PRICKLE1: variants seen among roughly 807,000 people sequenced by gnomAD.
The protein encoded by PRICKLE1 is prickle planar cell polarity protein 1.
PRICKLE1 carries 14 observed loss-of-function variants against 70.2 expected under a neutral mutation model. The ratio of observed to expected loss-of-function variants is 0.20; its 90% CI spans 0.13 to 0.31. The LOEUF (loss-of-function observed/expected upper bound fraction) is 0.31. PRICKLE1 is among the 10% of genes least tolerant of loss of function. The probability of loss-of-function intolerance (pLI) is 1.00; values close to 1 mark genes in which losing one functional copy is unlikely to be tolerated. For missense variants in PRICKLE1, 821 were observed against 1,026.2 expected (o/e 0.80, Z 2.73); for synonymous variants, 357 against 379.9 (o/e 0.94, Z 0.70).
chr12:42,514,902 T>TATCTATCA lies in PRICKLE1; in HGVS notation c.-48-42339_-48-42338insTGATAGAT, dbSNP rs1555235191. On this transcript the variant is annotated intron_variant, in intron 1 of 7. Transcript: ENST00000345127. Reference sequence around the variant, plus strand: ...TTAAGGCTCGCTCTATCTATCTATCTATCTATCTATCTATCTATCTATCTA... The same window carrying TATCTATCA: ...TTAAGGCTCGCTCTATCTATCTATCTATCTATCAATCTATCTATCTATCTATCTATCTA... Among the ~76,000 whole-genome samples the TATCTATCA allele has an allele frequency of 3.8e-3, 275 of 72,866 alleles. 1 individual carries two copies. The highest frequency in any genetic ancestry group is 0.011 in the African/African-American group (264 of 23,592). The allele number at this position is 72,866 out of a possible 152,430, so 47.8% of individuals were successfully genotyped here.
At chr12:42,536,725 G>C (rs1940022207) in intron 1 of PRICKLE1, among the ~76,000 whole-genome samples, 1 of 152,032 alleles carries the variant, frequency 6.6e-6, no homozygotes, top group African/African-American at 2.4e-5. Flanking sequence ...CACTTTCTTT[G>C]GGTCATCTGA....
chr12:42,529,918 T>C (rs1348784219), intron 1 of PRICKLE1, among the ~76,000 whole-genome samples: 1 of 149,854 alleles, frequency 6.7e-6, no homozygotes, highest in Non-Finnish European at 1.5e-5. Flanking sequence ...AGAATTTTCT[T>C]TTCTCTTTTC....
At chr12:42,572,253 GTGAAACCCCATCTCTAC>G (rs1410134806) in intron 1 of PRICKLE1, among the ~76,000 whole-genome samples, 1 of 151,948 alleles carries the variant, frequency 6.6e-6, no homozygotes, top group Non-Finnish European at 1.5e-5. Context: ...GGCCAACATG[GTGAAACCCCATCTCTAC>G]TGAAAAATAC....
At chr12:42,469,819 C>G (rs1342793396) in intron 3 of PRICKLE1, 1 of 552,788 alleles carries the variant, frequency 1.8e-6, no homozygotes, top group Non-Finnish European at 3.1e-6. Context: ...TAATTGAAAA[C>G]CCTTATCAAC....
intron 1 of PRICKLE1, among the ~76,000 whole-genome samples, chr12:42,566,626 T>C (rs751536400): frequency 1.3e-5 from 2 of 152,228 alleles, no homozygotes; most frequent in African/African-American, 2.4e-5. Context: ...GGTTTGTTAT[T>C]AGGATTAAAT....
At chr12:42,486,693 T>C (rs1938996485) in intron 1 of PRICKLE1, among the ~76,000 whole-genome samples, 1 of 152,258 alleles carries the variant, frequency 6.6e-6, no homozygotes, top group African/African-American at 2.4e-5. Context: ...CTGAGGTCTT[T>C]TCTGCTCCTT....
intron 3 of PRICKLE1, 71 bp from the exon 4 acceptor site, chr12:42,469,658 GT>G (rs1938238376): frequency 1.3e-6 from 2 of 1,598,960 alleles, no homozygotes; most frequent in African/African-American, 2.7e-5. Context: ...TACTTCCAGA[GT>G]TAGGGTTTCA....
In PRICKLE1 at chr12:42,459,504, T is replaced by G; in HGVS notation, c.*305A>C. ...CTTCTAAAATCAACATCCAATCCCCTTCAGTCAGCATCTTCAGTATTCCCT... is the reference window on the plus strand; with the variant it reads ...CTTCTAAAATCAACATCCAATCCCCGTCAGTCAGCATCTTCAGTATTCCCT... On this transcript the variant is annotated 3_prime_UTR_variant, in exon 8 of 8. Coordinates refer to ENST00000345127, the MANE Select transcript of PRICKLE1 (RefSeq NM_153026.3). The G allele has an allele frequency of 1.6e-6, 1 of 636,908 alleles. No homozygotes were observed. The highest frequency in any genetic ancestry group is 2.7e-5 in the East Asian group (1 of 36,820). 39.5% of individuals were successfully genotyped at this position (636,908 alleles called of 1,614,324 possible).
At position 42,548,277 on chromosome 12, in the gene PRICKLE1, CA is replaced by C. The variant is rs528905580; in HGVS notation, c.-49+41187del. Reference sequence around the variant, plus strand: ...ATTTGTGGTGTCATGTTGGTGTGCTCAAAAAGTTTCAGATTTTGGAGCATTT... The same window carrying C: ...ATTTGTGGTGTCATGTTGGTGTGCTCAAAAGTTTCAGATTTTGGAGCATTT... On this transcript the variant is annotated intron_variant, in intron 1 of 7. Transcript: ENST00000345127. Among the ~76,000 whole-genome samples, 372 of 152,224 alleles carry C rather than the reference CA, an allele frequency of 2.4e-3. 1 individual carries two copies. Among genetic ancestry groups the C allele is most frequent in the African/African-American group, 8.4e-3 (347 of 41,544 alleles).
At chr12:42,463,500 A>AC (rs1171630074) in intron 7 of PRICKLE1, 1 of 152,096 alleles carries the variant, frequency 6.6e-6, no homozygotes, top group Non-Finnish European at 1.5e-5. Context: ...CGGGTGGATC[A>AC]CCTGAGGTCA....
At position 42,557,707 on chromosome 12, in the gene PRICKLE1, T is replaced by C. The variant is rs1351472582; in HGVS notation, c.-49+31758A>G. Among the ~76,000 whole-genome samples the C allele has an allele frequency of 3.3e-5, 5 of 152,200 alleles. 1 individual carries two copies. The highest frequency in any genetic ancestry group is 7.3e-5 in the Non-Finnish European group (5 of 68,036). ...GACTTGAGTGATTACAATTCTGAGG[T>C]TTCTGTGGGAGTCATCTTGTTTTTA... On this transcript the variant is annotated intron_variant, in intron 1 of 7. Coordinates refer to ENST00000345127, the MANE Select transcript of PRICKLE1 (RefSeq NM_153026.3).
At position 42,560,766 on chromosome 12, in the gene PRICKLE1, TCTCACACACACACACACACACA is replaced by T. The variant is rs1256867167; in HGVS notation, c.-49+28677_-49+28698del. Among the ~76,000 whole-genome samples the T allele has an allele frequency of 2.9e-3, 351 of 119,372 alleles. 4 individuals carry two copies. The highest frequency in any genetic ancestry group is 0.023 in the South Asian group (75 of 3,208). 78.3% of individuals were successfully genotyped at this position (119,372 alleles called of 152,430 possible). A position where few individuals can be genotyped will look rare whatever the true frequency, so the allele number is the denominator to read the frequency against. On this transcript the variant is annotated intron_variant, in intron 1 of 7. Transcript: ENST00000345127. ...AGCTTGGCAGGTCAAAAGCCCATCTTCTCACACACACACACACACACACACACACACACACACACACACACAC... is the reference window on the plus strand; with the variant it reads ...AGCTTGGCAGGTCAAAAGCCCATCTTCACACACACACACACACACACACAC...
At chr12:42,514,087 A>G (rs905299170) in intron 1 of PRICKLE1, among the ~76,000 whole-genome samples, 3 of 152,194 alleles carry the variant, frequency 2.0e-5, no homozygotes, top group Admixed American at 6.5e-5. Flanking sequence ...AGTACATGCA[A>G]TAGCCCCAAG....
intron 1 of PRICKLE1, chr12:42,484,532 C>T (rs954300818): frequency 1.3e-5 from 2 of 152,202 alleles, no homozygotes; most frequent in Non-Finnish European, 2.9e-5. Context: ...ACTTTCCCTG[C>T]ATTTCGGAGT....
intron 1 of PRICKLE1, among the ~76,000 whole-genome samples, chr12:42,558,602 G>A (rs1365506416): frequency 1.3e-5 from 2 of 152,214 alleles, no homozygotes; most frequent in African/African-American, 4.8e-5. Flanking sequence ...GATGCCAGCC[G>A]TGAGTGAACA....
At chr12:42,561,877 G>T (rs1259478327) in intron 1 of PRICKLE1, among the ~76,000 whole-genome samples, 2 of 147,112 alleles carry the variant, frequency 1.4e-5, no homozygotes, top group African/African-American at 5.0e-5. Context: ...GCGAAAATAT[G>T]ATGTTCCACT....
rs1035055836 is a variant in PRICKLE1, at chr12:42,535,666, C to T, written c.-49+53799G>A. Among the ~76,000 whole-genome samples, 56 of 152,262 alleles carry T rather than the reference C, an allele frequency of 3.7e-4. 1 individual carries two copies. The highest frequency in any genetic ancestry group is 1.3e-3 in the African/African-American group (55 of 41,552). On this transcript the variant is annotated intron_variant, in intron 1 of 7. Transcript: ENST00000345127. ...TGGATATGGTTACACACCCTCTAGT[C>T]CCAGCTATTGGGGAGGTCGAGGCAG...
intron 5 of PRICKLE1, among the ~76,000 whole-genome samples, chr12:42,467,263 C>A (rs1167093862): frequency 1.3e-5 from 2 of 151,682 alleles, no homozygotes; most frequent in African/African-American, 2.4e-5. Flanking sequence ...ACTAAAGGTG[C>A]ATGCCACCAT....
At position 42,521,965 on chromosome 12, in the gene PRICKLE1, T is replaced by TGC. The variant is rs1216960969; in HGVS notation, c.-48-49402_-48-49401insGC. Among the ~76,000 whole-genome samples the TGC allele has an allele frequency of 9.6e-5, 14 of 145,752 alleles. 1 individual carries two copies. Among genetic ancestry groups the TGC allele is most frequent in the African/African-American group, 3.5e-4 (13 of 36,930 alleles). On this transcript the variant is annotated intron_variant, in intron 1 of 7. Coordinates refer to ENST00000345127, the MANE Select transcript of PRICKLE1 (RefSeq NM_153026.3). ...GTGTGTGTGTGTGTGTGTGTGTGTG[T>TGC]GTGTGTTTAACTTCTTTTTTTTTTT...
Sources: gnomAD v4.1 joint callset for allele counts (sites outside exome capture counted in the v4.1 genomes callset) on GRCh38, gnomAD v4.1.1 for gene constraint, MANE v1.5 for transcripts, NCBI Gene and HGNC (gene_info 2026-07-23, HGNC 2026-07-21) for gene names.